IL6ST: variants seen among roughly 807,000 people sequenced by gnomAD.
IL6ST encodes the protein interleukin-6 receptor subunit beta.
In IL6ST, 24 loss-of-function variants were observed where a neutral mutation model predicts 91.3. The observed-to-expected ratio is 0.26, with a 90% CI of 0.19 to 0.37. The LOEUF (loss-of-function observed/expected upper bound fraction) is 0.37, where lower values mean the gene tolerates loss of function less well. Among genes scored for constraint, IL6ST ranks in the 10% least tolerant of loss-of-function variants. The pLI, the probability that IL6ST is intolerant of heterozygous loss-of-function variation, is 1.00. For missense variants in IL6ST, 914 were observed against 1,078.5 expected (o/e 0.85, Z 2.14); for synonymous variants, 351 against 373.6 (o/e 0.94, Z 0.70).
intron 5 of IL6ST, among the ~76,000 whole-genome samples, chr5:55,967,491 T>C (rs1240603199): frequency 1.4e-5 from 2 of 147,002 alleles, no homozygotes; most frequent in African/African-American, 2.5e-5. Flanking sequence ...CTGAAACAAA[T>C]GTAAAAAAAA....
intron 15 of IL6ST, among the ~76,000 whole-genome samples, chr5:55,943,649 T>C (rs920699391): frequency 1.3e-5 from 2 of 152,096 alleles, no homozygotes; most frequent in South Asian, 2.1e-4. Flanking sequence ...AAAAACCATA[T>C]GATCATCTCA....
Position 55,972,491 on chromosome 5 carries a change from G to A in IL6ST, c.65-2636C>T, listed in dbSNP as rs1040892257. 1.3e-4 allele frequency among the ~76,000 whole-genome samples: 20 copies of A among 151,620 alleles called. No homozygotes were observed. In the South Asian group the frequency reaches 1.5e-3, roughly 11 times the overall value. Reference sequence around the variant, plus strand: ...CACACCACTGCACTCCAGCCTGAGCGACAGAGTGAGATTCAGTCTCGAAAA... The same window carrying A: ...CACACCACTGCACTCCAGCCTGAGCAACAGAGTGAGATTCAGTCTCGAAAA... On this transcript the variant is annotated intron_variant, in intron 3 of 16. Transcript: ENST00000381298.
chr5:55,945,648 CTTTTTTTTTT>C lies in IL6ST; in HGVS notation c.1937+1835_1937+1844del, dbSNP rs70995749. On this transcript the variant is annotated intron_variant, in intron 15 of 16. Coordinates refer to ENST00000381298, the MANE Select transcript of IL6ST (RefSeq NM_002184.4). ...ACTTCATCAAAATAAAAAACTTATG[CTTTTTTTTTT>C]TTTTTTTTTTTTTTTTTTCAGACAC... is the stretch of plus-strand genomic sequence containing the variant. Among the ~76,000 whole-genome samples, 33 of 41,680 alleles carry C rather than the reference CTTTTTTTTTT, an allele frequency of 7.9e-4. 1 individual carries two copies. The highest frequency in any genetic ancestry group is 1.2e-3 in the African/African-American group (12 of 10,018). 27.3% of individuals were successfully genotyped at this position (41,680 alleles called of 152,430 possible).
chr5:55,980,450 T>C (rs1328414775), intron 2 of IL6ST, among the ~76,000 whole-genome samples: 1 of 152,104 alleles, frequency 6.6e-6, no homozygotes, highest in East Asian at 1.9e-4. Flanking sequence ...CTTGGGAGGC[T>C]GAGGCAGGAG....
intron 1 of IL6ST, among the ~76,000 whole-genome samples, chr5:55,992,100 T>C (rs917132416): frequency 6.6e-6 from 1 of 152,232 alleles, no homozygotes; most frequent in Admixed American, 6.5e-5. Context: ...GCTTTTGAAG[T>C]ATCATCTCTT....
In IL6ST at chr5:55,951,575, A is replaced by G; in HGVS notation, c.1729T>C (p.Tyr577His). 3 of 1,612,406 alleles carry G rather than the reference A, an allele frequency of 1.9e-6. No individual in the cohort carries two copies. The highest frequency in any genetic ancestry group is 2.5e-6 in the Non-Finnish European group (3 of 1,179,058). Residue 577 changes from tyrosine to histidine, a missense_variant, in exon 14 of 17, where the codon TAT becomes CAT. By Grantham distance (83) the Tyr-to-His change is moderately conservative. Transcript: ENST00000381298. Reference sequence around the variant, plus strand: ...TCACTAGTCAAAGAGGACAATGTATATTCTGTGTGGGAAGAATCCACATTC... The same window carrying G: ...TCACTAGTCAAAGAGGACAATGTATGTTCTGTGTGGGAAGAATCCACATTC... The part of the protein sequence containing the change: ...AVNVDSSHTE[Y>H]TLSSLTSDTL...
intron 8 of IL6ST, among the ~76,000 whole-genome samples, chr5:55,957,744 C>T (rs117245231): frequency 6.6e-6 from 1 of 152,158 alleles, no homozygotes; most frequent in East Asian, 1.9e-4. Flanking sequence ...TTTTATTCAA[C>T]TCCTCTCTTA....
In IL6ST at chr5:55,960,387, T is replaced by A; in HGVS notation, c.973+15A>T. The A allele has an allele frequency of 6.3e-7, 1 of 1,599,318 alleles. No individual in the cohort carries two copies. The highest frequency in any genetic ancestry group is 8.5e-7 in the Non-Finnish European group (1 of 1,171,624). On this transcript the variant is annotated intron_variant, in intron 8 of 16. Transcript: ENST00000381298. ...ATTCCAATAGCTTTACTTCTTCATATACTTATGTACTTACTATCTTCATAG... is the reference window on the plus strand; with the variant it reads ...ATTCCAATAGCTTTACTTCTTCATAAACTTATGTACTTACTATCTTCATAG...
intron 5 of IL6ST, among the ~76,000 whole-genome samples, chr5:55,967,383 G>A (rs1251664804): frequency 7.7e-6 from 1 of 129,316 alleles, no homozygotes; most frequent in Non-Finnish European, 1.6e-5. Context: ...ATGTATAACA[G>A]TTTAACAACT....
chr5:55,981,403 G>A (rs1157971255), intron 2 of IL6ST, among the ~76,000 whole-genome samples: 2 of 152,158 alleles, frequency 1.3e-5, no homozygotes, highest in African/African-American at 4.8e-5. Context: ...CCAGCACTTT[G>A]GGAAGCCAAG....
chr5:55,942,427 T>C (rs1200482519), intron 16 of IL6ST, among the ~76,000 whole-genome samples: 1 of 152,198 alleles, frequency 6.6e-6, no homozygotes, highest in Non-Finnish European at 1.5e-5. Context: ...CTAAACAATT[T>C]AAAATATCAG....
intron 5 of IL6ST, among the ~76,000 whole-genome samples, chr5:55,967,218 G>A (rs866758139): frequency 1.4e-5 from 2 of 144,754 alleles, no homozygotes; most frequent in Non-Finnish European, 3.0e-5. Flanking sequence ...GCTGAGGCAG[G>A]AGAATTGCTT....
rs1255770246 is a variant in IL6ST, at chr5:55,935,169, G to T, written c.*5913C>A. 3 of 178,998 alleles carry T rather than the reference G, an allele frequency of 1.7e-5. No individual in the cohort carries two copies. The highest frequency in any genetic ancestry group is 3.6e-5 in the Non-Finnish European group (3 of 83,560). 11.1% of individuals were successfully genotyped at this position (178,998 alleles called of 1,614,324 possible). A position where few individuals can be genotyped will look rare whatever the true frequency, so the allele number is the denominator to read the frequency against. On this transcript the variant is annotated 3_prime_UTR_variant, in exon 17 of 17. Transcript: ENST00000381298. The stretch of plus-strand genomic sequence containing the variant: ...ATAGCTCACCATGTTATCCCAGAAA[G>T]ACTACAATTTCATACAGAATGCACA...
chr5:55,969,955 C>CT, intron 3 of IL6ST, 100 bp from the exon 4 acceptor site: 1 of 667,938 alleles, frequency 1.5e-6, no homozygotes, highest in East Asian at 2.5e-5. Context: ...TCAACCGTCA[C>CT]TAAAATATCC....
chr5:55,957,168 AAAAG>A (rs1436297685), intron 9 of IL6ST, 37 bp downstream of exon 9: 4 of 1,126,520 alleles, frequency 3.6e-6, no homozygotes, highest in African/African-American at 1.6e-5. Context: ...AAAAAAAAAA[AAAAG>A]ATTTATAAGA....
At chr5:55,977,274 TAA>T (rs1753358516) in intron 2 of IL6ST, among the ~76,000 whole-genome samples, 1 of 150,958 alleles carries the variant, frequency 6.6e-6, no homozygotes, top group African/African-American at 2.5e-5. Context: ...TTTTTTTTTT[TAA>T]GAGATGGGGG....
chr5:55,972,785 A>G (rs1002298477), intron 3 of IL6ST, among the ~76,000 whole-genome samples: 8 of 152,076 alleles, frequency 5.3e-5, no homozygotes, highest in African/African-American at 1.9e-4. Context: ...TGGATGGATC[A>G]CCTGAGATGA....
chr5:55,980,703 TA>T (rs147635563), intron 2 of IL6ST, among the ~76,000 whole-genome samples: 4,444 of 152,250 alleles, frequency 0.029, 145 homozygotes, highest in African/African-American at 0.072. Flanking sequence ...AAATAAAAGC[TA>T]AAATTATTAA....
rs1753742299 is a variant in IL6ST, at chr5:55,982,851, G to C, written c.-103-40C>G. ...GAGTCTTGTTCAGAAGGCTGGCTTTGATAATTTTATTATATGTGTACTTTA... is the reference window on the plus strand; with the variant it reads ...GAGTCTTGTTCAGAAGGCTGGCTTTCATAATTTTATTATATGTGTACTTTA... On this transcript the variant is annotated intron_variant, in intron 1 of 16. Transcript: ENST00000381298. 5 of 397,856 alleles carry C rather than the reference G, an allele frequency of 1.3e-5. No homozygotes were observed. In the East Asian group the frequency reaches 1.8e-4, roughly 14 times the overall value. The allele number at this position is 397,856 out of a possible 1,614,324, so 24.6% of individuals were successfully genotyped here.
Sources: allele counts gnomAD v4.1 joint callset (sites outside exome capture counted in the v4.1 genomes callset), GRCh38; gene constraint gnomAD v4.1.1; transcripts MANE v1.5; gene names NCBI Gene and HGNC (gene_info 2026-07-23, HGNC 2026-07-21).